The following ACTR3B variants were observed in gnomAD, a reference collection of about 807,000 sequenced individuals.
The protein encoded by ACTR3B is actin-related protein 3B.
Under a neutral mutation model 59.0 loss-of-function variants are expected in ACTR3B, and 8 were observed. The observed-to-expected ratio is 0.14, with a 90% CI of 0.08 to 0.24. The LOEUF is 0.24. Ranked by LOEUF, ACTR3B falls within the 10% of genes least tolerant of loss-of-function variation. The probability of loss-of-function intolerance (pLI) is 1.00; values close to 1 mark genes in which losing one functional copy is unlikely to be tolerated. For missense variants in ACTR3B, 245 were observed against 552.3 expected, an observed-to-expected ratio of 0.44 and a Z score of 5.58; for synonymous variants, 148 against 197.9, an observed-to-expected ratio of 0.75 and a Z score of 2.12.
intron 2 of ACTR3B, among the ~76,000 whole-genome samples, chr7:152,794,612 T>C (rs1174237924): frequency 6.6e-6 from 1 of 152,266 alleles, no homozygotes; most frequent in Non-Finnish European, 1.5e-5. Flanking sequence ...GTCACTTGTA[T>C]TGGCACATTG....
At chr7:152,779,345 G>C (rs1434669077) in intron 1 of ACTR3B, among the ~76,000 whole-genome samples, 1 of 152,068 alleles carries the variant, frequency 6.6e-6, no homozygotes, top group Non-Finnish European at 1.5e-5. Context: ...TGCCTACCCA[G>C]ATCTTAAACT....
At chr7:152,792,837 G>A (rs1212196932) in intron 2 of ACTR3B, among the ~76,000 whole-genome samples, 1 of 152,104 alleles carries the variant, frequency 6.6e-6, no homozygotes, top group East Asian at 1.9e-4. Context: ...TGAAGTAGGT[G>A]TGCTGTTGAC....
chr7:152,768,768 G>A (rs559000741), intron 1 of ACTR3B, among the ~76,000 whole-genome samples: 1 of 152,130 alleles, frequency 6.6e-6, no homozygotes, highest in Non-Finnish European at 1.5e-5. Flanking sequence ...GAGCCACCGC[G>A]CCTGGCTAGG....
intron 4 of ACTR3B, among the ~76,000 whole-genome samples, chr7:152,806,322 C>T (rs915646585): frequency 1.3e-5 from 2 of 152,084 alleles, no homozygotes; most frequent in East Asian, 1.9e-4. Context: ...TGAATAACGT[C>T]GATTTTGATT....
chr7:152,794,107 T>C (rs1340631634), intron 2 of ACTR3B, among the ~76,000 whole-genome samples: 1 of 152,232 alleles, frequency 6.6e-6, no homozygotes, highest in African/African-American at 2.4e-5. Flanking sequence ...ATATAAGCTC[T>C]ATATACTTTT....
chr7:152,799,400 C>A (rs3969958), intron 2 of ACTR3B, among the ~76,000 whole-genome samples: 5 of 152,180 alleles, frequency 3.3e-5, no homozygotes, highest in Non-Finnish European at 5.9e-5. Flanking sequence ...TTAAGCTTCC[C>A]TTTCTGTGAA....
rs181625241 is a variant in ACTR3B at position 152,796,380 on chromosome 7, A to T, written c.101-4151A>T. ...TTCTCTGGAATGGTTGTATCTGGGT[A>T]CCTGTTCAGTTCCGCCAGTCACAAA... On this transcript the variant is annotated intron_variant, in intron 2 of 11. Coordinates refer to ENST00000256001, the MANE Select transcript of ACTR3B (RefSeq NM_020445.6). Among the ~76,000 whole-genome samples the T allele has an allele frequency of 7.8e-3, 1,181 of 151,366 alleles. 17 individuals are homozygous for T. The highest frequency in any genetic ancestry group is 0.027 in the African/African-American group (1,104 of 41,428).
chr7:152,767,049 A>G (rs1223085209), intron 1 of ACTR3B, among the ~76,000 whole-genome samples: 1 of 150,678 alleles, frequency 6.6e-6, no homozygotes, highest in African/African-American at 2.4e-5. Flanking sequence ...CGGCCTCCCA[A>G]AGTGCTGGGA....
intron 9 of ACTR3B, among the ~76,000 whole-genome samples, chr7:152,844,019 G>A (rs1404882286): frequency 6.6e-6 from 1 of 152,190 alleles, no homozygotes; most frequent in Non-Finnish European, 1.5e-5. Flanking sequence ...TCTGAATAAA[G>A]AGTGTATCAC....
At chr7:152,770,825 C>A (rs1703303608) in intron 1 of ACTR3B, among the ~76,000 whole-genome samples, 1 of 134,940 alleles carries the variant, frequency 7.4e-6, no homozygotes, top group Admixed American at 7.1e-5. Context: ...GAGACCTGCA[C>A]CCATTCAAAG....
intron 4 of ACTR3B, chr7:152,811,550 G>GT (rs1351292881): frequency 2.6e-5 from 4 of 152,202 alleles, no homozygotes; most frequent in African/African-American, 7.2e-5. Flanking sequence ...TGTTTTTAAT[G>GT]TATTTTATTT....
intron 1 of ACTR3B, among the ~76,000 whole-genome samples, chr7:152,779,446 A>G: frequency 6.6e-6 from 1 of 152,200 alleles, no homozygotes; most frequent in Non-Finnish European, 1.5e-5. Context: ...GAACACTTTG[A>G]GGACCTGGGC....
chr7:152,792,818 C>A (rs1186077234), intron 2 of ACTR3B, among the ~76,000 whole-genome samples: 1 of 152,038 alleles, frequency 6.6e-6, no homozygotes, highest in African/African-American at 2.4e-5. Flanking sequence ...ACATCCCAAG[C>A]CATTCTTTTG....
At chr7:152,781,375 T>C (rs2098153372) in intron 1 of ACTR3B, among the ~76,000 whole-genome samples, 2 of 152,266 alleles carry the variant, frequency 1.3e-5, no homozygotes, top group African/African-American at 4.8e-5. Context: ...TTGACAATGA[T>C]TACCTTTTTT....
rs141757969 is a variant in ACTR3B at position 152,823,386 on chromosome 7, C to T, written c.729C>T (p.Ala243=). Residue 243 remains alanine (A), a synonymous_variant, in exon 8 of 12, where the codon GCC becomes GCT. Transcript: ENST00000256001. Reference sequence around the variant, plus strand: ...GCCCCGATATAGTCAAGGAATTTGCCAAGTATGATGTGGATCCCCGGAAGT... The same window carrying T: ...GCCCCGATATAGTCAAGGAATTTGCTAAGTATGATGTGGATCCCCGGAAGT... The part of the protein sequence containing the change: ...YICPDIVKEF[A]KYDVDPRKWI... 6.4e-4 allele frequency: 1,039 copies of T among 1,614,174 alleles called. 3 individuals are homozygous for T. The African/African-American group carries it at 0.013, about 20-fold the overall frequency.
At chr7:152,788,674 G>A (rs1167064137) in intron 2 of ACTR3B, among the ~76,000 whole-genome samples, 9 of 152,152 alleles carry the variant, frequency 5.9e-5, no homozygotes, top group East Asian at 4.0e-4. Context: ...GCTTCCCAGC[G>A]TGCTGGGATT....
At chr7:152,787,319 T>C (rs1223515213) in intron 2 of ACTR3B, among the ~76,000 whole-genome samples, 3 of 152,262 alleles carry the variant, frequency 2.0e-5, no homozygotes, top group Non-Finnish European at 4.4e-5. Context: ...TTGCCCATTT[T>C]TCTATTGCAT....
intron 9 of ACTR3B, among the ~76,000 whole-genome samples, chr7:152,848,354 A>G (rs1798528413): frequency 6.6e-6 from 1 of 152,202 alleles, no homozygotes; most frequent in African/African-American, 2.4e-5. Context: ...TTAGGAGACC[A>G]AGGCTGCAGC....
At chr7:152,803,221 ATT>A (rs889365136) in intron 4 of ACTR3B, among the ~76,000 whole-genome samples, 1 of 151,954 alleles carries the variant, frequency 6.6e-6, no homozygotes, top group Non-Finnish European at 1.5e-5. Flanking sequence ...ATTTTTAAAA[ATT>A]TTTTTGTGGA....
Sources: gnomAD v4.1 joint callset for allele counts (sites outside exome capture counted in the v4.1 genomes callset) on GRCh38, gnomAD v4.1.1 for gene constraint, MANE v1.5 for transcripts, NCBI Gene and HGNC (gene_info 2026-07-23, HGNC 2026-07-21) for gene names.